CCBE1: variants seen among roughly 807,000 people sequenced by gnomAD.
CCBE1 encodes collagen and calcium-binding EGF domain-containing protein 1.
Under a neutral mutation model 50.0 loss-of-function variants are expected in CCBE1, and 37 were observed. The ratio of observed to expected loss-of-function variants is 0.74; its 90% confidence interval spans 0.57 to 0.97. CCBE1 has a LOEUF of 0.97. Ranked by LOEUF, CCBE1 falls within the 50% of genes least tolerant of loss-of-function variation. CCBE1 has a pLI of 0.00. For synonymous variants in CCBE1, 234 were observed against 203.7 expected (o/e 1.15, Z -1.27); for missense variants, 538 against 523.8 (o/e 1.03, Z -0.26).
chr18:59,582,642 C>A (rs2053102519), intron 2 of CCBE1, among the ~76,000 whole-genome samples: 1 of 152,032 alleles, frequency 6.6e-6, no homozygotes, highest in South Asian at 2.1e-4. Flanking sequence ...AGATCAGCCC[C>A]AATAGCTCAG....
At chr18:59,678,346 C>T (rs2054537403) in intron 2 of CCBE1, among the ~76,000 whole-genome samples, 1 of 152,064 alleles carries the variant, frequency 6.6e-6, no homozygotes, top group Non-Finnish European at 1.5e-5. Context: ...ATTCTAACTG[C>T]TGCAATTTAA....
chr18:59,549,120 A>AAAC (rs1212124432), intron 2 of CCBE1, among the ~76,000 whole-genome samples: 1 of 151,658 alleles, frequency 6.6e-6, no homozygotes, highest in Non-Finnish European at 1.5e-5. Flanking sequence ...AAAAAAAAAA[A>AAAC]ATTCACTTTG....
intron 2 of CCBE1, among the ~76,000 whole-genome samples, chr18:59,611,860 C>A (rs962270479): frequency 2.0e-5 from 3 of 152,320 alleles, no homozygotes; most frequent in Admixed American, 2.0e-4. Context: ...GCATCAAGTT[C>A]AGAGTTATAG....
rs1251835553 is a variant in CCBE1 at position 59,454,881 on chromosome 18, C to A, written c.624G>T (p.Met208Ile). The A allele has an allele frequency of 6.2e-7, 1 of 1,614,130 alleles. No individual in the cohort carries two copies. Among genetic ancestry groups the A allele is most frequent in the African/African-American group, 1.3e-5 (1 of 74,950 alleles). Residue 208 changes from methionine to isoleucine, a missense_variant, in exon 6 of 11, where the codon ATG becomes ATT. Met to Ile is a conservative substitution (Grantham distance 10, BLOSUM62 1). Transcript: ENST00000439986. ...GCTTCAGCTGCAGCACGGTCTGCTT[C>A]ATCTGGTAGAACTCCTTGCATGTGG... is the stretch of plus-strand genomic sequence containing the variant. ...CCATCKEFYQ[M>I]KQTVLQLKQK...
rs569998311 is a variant in CCBE1 at position 59,433,980 on chromosome 18, C to T, written c.*1928G>A. On this transcript the variant is annotated 3_prime_UTR_variant, in exon 11 of 11. Coordinates refer to ENST00000439986, the MANE Select transcript of CCBE1 (RefSeq NM_133459.4). Reference sequence around the variant, plus strand: ...GCAGTAGCGCAATCTAGGCTCCCCCCGCAGGTTAAAGTAATTCTCCTGCCT... The same window carrying T: ...GCAGTAGCGCAATCTAGGCTCCCCCTGCAGGTTAAAGTAATTCTCCTGCCT... The T allele has an allele frequency of 2.7e-5, 4 of 149,138 alleles. No individual in the cohort carries two copies. Among genetic ancestry groups the T allele is most frequent in the Non-Finnish European group, 4.4e-5 (3 of 67,736 alleles). The allele number at this position is 149,138 out of a possible 1,614,324, so 9.2% of individuals were successfully genotyped here.
intron 2 of CCBE1, among the ~76,000 whole-genome samples, chr18:59,678,977 A>G (rs1195816489): frequency 6.6e-6 from 1 of 152,248 alleles, no homozygotes; most frequent in Non-Finnish European, 1.5e-5. Flanking sequence ...ACATATAAAA[A>G]TAAATAAAAT....
At chr18:59,526,724 G>A (rs1914838137) in intron 2 of CCBE1, among the ~76,000 whole-genome samples, 1 of 152,110 alleles carries the variant, frequency 6.6e-6, no homozygotes, top group South Asian at 2.1e-4. Flanking sequence ...GTTCTCATTG[G>A]TTTCAAAGAA....
intron 2 of CCBE1, among the ~76,000 whole-genome samples, chr18:59,530,667 G>A (rs1028029306): frequency 2.6e-5 from 4 of 152,182 alleles, no homozygotes; most frequent in African/African-American, 9.7e-5. Flanking sequence ...ATGTAAAGAT[G>A]TTCATAAAAT....
chr18:59,645,759 C>A (rs536698256), intron 2 of CCBE1, among the ~76,000 whole-genome samples: 1 of 152,176 alleles, frequency 6.6e-6, no homozygotes, highest in African/African-American at 2.4e-5. Context: ...AGGCTGGGCG[C>A]GGTGGCTCAC....
At chr18:59,673,501 C>T (rs1200131639) in intron 2 of CCBE1, among the ~76,000 whole-genome samples, 1 of 152,148 alleles carries the variant, frequency 6.6e-6, no homozygotes, top group Non-Finnish European at 1.5e-5. Flanking sequence ...AAAGAAAATA[C>T]ACATTGCTTA....
At chr18:59,551,650 TG>T (rs1178817709) in intron 2 of CCBE1, among the ~76,000 whole-genome samples, 1 of 152,234 alleles carries the variant, frequency 6.6e-6, no homozygotes, top group African/African-American at 2.4e-5. Context: ...TCACTACTGT[TG>T]GTCACCATCT....
intron 5 of CCBE1, among the ~76,000 whole-genome samples, chr18:59,456,931 C>A (rs908110173): frequency 2.6e-5 from 4 of 152,154 alleles, no homozygotes; most frequent in Admixed American, 2.6e-4. Flanking sequence ...CCATGGGAGA[C>A]CTGGGGTTGG....
At chr18:59,534,100 A>G (rs1357294891) in intron 2 of CCBE1, among the ~76,000 whole-genome samples, 3 of 138,958 alleles carry the variant, frequency 2.2e-5, no homozygotes, top group African/African-American at 5.5e-5. Flanking sequence ...TGATCTATAC[A>G]TGGAAGACTA....
At chr18:59,665,109 G>A (rs558123139) in intron 2 of CCBE1, among the ~76,000 whole-genome samples, 17 of 152,212 alleles carry the variant, frequency 1.1e-4, no homozygotes, top group South Asian at 2.1e-4. Context: ...AGCTCCAAGC[G>A]TCAGCTGGCA....
chr18:59,622,006 A>G (rs944077200), intron 2 of CCBE1, among the ~76,000 whole-genome samples: 3 of 152,204 alleles, frequency 2.0e-5, no homozygotes, highest in African/African-American at 7.2e-5. Context: ...TACTATGCAA[A>G]GAAGTCTGCT....
At chr18:59,631,144 C>A (rs1029427948) in intron 2 of CCBE1, among the ~76,000 whole-genome samples, 5 of 151,924 alleles carry the variant, frequency 3.3e-5, no homozygotes, top group African/African-American at 1.2e-4. Context: ...CCACTCTCAG[C>A]ATGGCAGTTG....
chr18:59,506,458 C>G (rs748807502), intron 2 of CCBE1, among the ~76,000 whole-genome samples: 1 of 152,258 alleles, frequency 6.6e-6, no homozygotes, highest in Non-Finnish European at 1.5e-5. Context: ...CACCACTTCA[C>G]TTGCTAAAGG....
chr18:59,636,880 C>T (rs142554911), intron 2 of CCBE1, among the ~76,000 whole-genome samples: 70 of 152,278 alleles, frequency 4.6e-4, no homozygotes, highest in African/African-American at 6.7e-4. Context: ...TACTGGATGA[C>T]GATAGCATTT....
intron 2 of CCBE1, among the ~76,000 whole-genome samples, chr18:59,584,866 C>T (rs893252373): frequency 2.0e-5 from 3 of 152,146 alleles, no homozygotes; most frequent in Non-Finnish European, 2.9e-5. Context: ...AATGCAAGAA[C>T]GGACTAATAC....
Sources: gnomAD v4.1 joint callset for allele counts (sites outside exome capture counted in the v4.1 genomes callset) on GRCh38, gnomAD v4.1.1 for gene constraint, MANE v1.5 for transcripts, NCBI Gene and HGNC (gene_info 2026-07-23, HGNC 2026-07-21) for gene names.